SLC3A1: variants seen among roughly 807,000 people sequenced by gnomAD.
SLC3A1 encodes the protein solute carrier family 3 member 1.
In SLC3A1, 78 loss-of-function variants were observed where a neutral mutation model predicts 60.3. The ratio of observed to expected loss-of-function variants is 1.29; its 90% CI spans 1.08 to 1.56. SLC3A1 has a LOEUF of 1.56. SLC3A1 is among the 40% of genes most tolerant of loss of function. The pLI, the probability that SLC3A1 is intolerant of heterozygous loss-of-function variation, is 0.00. For missense variants in SLC3A1, 1,172 were observed against 858.9 expected (o/e 1.36, Z -4.56); for synonymous variants, 392 against 307.9 (o/e 1.27, Z -2.86).
At chr2:44,278,014 A>T (rs1372628816) in intron 1 of SLC3A1, among the ~76,000 whole-genome samples, 8 of 152,056 alleles carry the variant, frequency 5.3e-5, no homozygotes, top group Admixed American at 3.3e-4. Flanking sequence ...TTTCATCCTC[A>T]TGTTCCTTTG....
At chr2:44,281,149 C>A (rs1230280287) in intron 2 of SLC3A1, among the ~76,000 whole-genome samples, 1 of 134,644 alleles carries the variant, frequency 7.4e-6, no homozygotes, top group African/African-American at 2.9e-5. Context: ...CCTCCCCTCT[C>A]CTTTCCCTGC....
At position 44,275,639 on chromosome 2, in the gene SLC3A1, C is replaced by G. The variant is rs769250365; in HGVS notation, c.104C>G (p.Pro35Arg). 2.5e-6 allele frequency: 4 copies of G among 1,614,046 alleles called. No individual in the cohort carries two copies. Among genetic ancestry groups the G allele is most frequent in the East Asian group, 2.2e-5 (1 of 44,878 alleles). The stretch of plus-strand genomic sequence containing the variant: ...AATGAAGACATTCTGGAGCAGACCC[C>G]GGATCCAGGAAGCTCAACAGACAAC... ...VHNEDILEQTPDPGSSTDNLK... is the reference protein window; with the variant it reads ...VHNEDILEQTRDPGSSTDNLK... The change falls in exon 1 of 10, where the codon CCG becomes CGG. Residue 35 changes from proline to arginine, a missense_variant. Pro to Arg is a moderately radical substitution (Grantham distance 103). Transcript: ENST00000260649.
Position 44,275,490 on chromosome 2 carries a change from C to G in SLC3A1, c.-46C>G, listed in dbSNP as rs1427745562. On this transcript the variant is annotated 5_prime_UTR_variant, in exon 1 of 10. Coordinates refer to ENST00000260649, the MANE Select transcript of SLC3A1 (RefSeq NM_000341.4). ...AGCATTCAGCAAGCCACTCTTCCAC[C>G]TCCCTTACTGCAGGAAGGCACTCCG... 2 of 1,504,666 alleles carry G rather than the reference C, an allele frequency of 1.3e-6. No individual in the cohort carries two copies. Among genetic ancestry groups the G allele is most frequent in the Non-Finnish European group, 1.8e-6 (2 of 1,085,106 alleles). The allele number at this position is 1,504,666 out of a possible 1,614,324, so 93.2% of individuals were successfully genotyped here.
At chr2:44,294,502 CAA>C (rs58236415) in intron 4 of SLC3A1, among the ~76,000 whole-genome samples, 18 of 75,480 alleles carry the variant, frequency 2.4e-4, no homozygotes, top group Admixed American at 3.0e-4. Flanking sequence ...GACTCCATCT[CAA>C]AAAAAAAAAA....
intron 9 of SLC3A1, 53 bp from the exon 10 acceptor site, chr2:44,320,146 A>C: frequency 6.8e-7 from 1 of 1,462,620 alleles, no homozygotes; most frequent in Non-Finnish European, 9.4e-7. Flanking sequence ...AAAAATACTT[A>C]CAAACAATTC....
intron 2 of SLC3A1, 43 bp downstream of exon 2, chr2:44,280,938 G>T: frequency 3.9e-6 from 6 of 1,534,478 alleles, no homozygotes; most frequent in Non-Finnish European, 5.4e-6. Context: ...TGAGGTTTGA[G>T]AGAAGCACTT....
intron 9 of SLC3A1, chr2:44,319,581 A>G (rs1672748751): frequency 6.6e-6 from 1 of 152,606 alleles, no homozygotes; most frequent in South Asian, 2.1e-4. Context: ...ATATAGCTGT[A>G]AAATAAACCC....
At chr2:44,315,405 T>C (rs1394103898) in intron 9 of SLC3A1, among the ~76,000 whole-genome samples, 2 of 151,578 alleles carry the variant, frequency 1.3e-5, no homozygotes, top group Non-Finnish European at 2.9e-5. Context: ...TCCCAGCATT[T>C]TGGGAGGCAA....
chr2:44,314,405 C>A (rs1426750691), intron 9 of SLC3A1: 2 of 242,256 alleles, frequency 8.3e-6, no homozygotes, highest in Admixed American at 4.9e-5. Flanking sequence ...ATACATGATC[C>A]TTAAAGTGGT....
In SLC3A1 at chr2:44,275,494, C is replaced by T. The variant is rs758289288; in HGVS notation, c.-42C>T. On this transcript the variant is annotated 5_prime_UTR_variant, in exon 1 of 10. Coordinates refer to ENST00000260649, the MANE Select transcript of SLC3A1 (RefSeq NM_000341.4). ...TTCAGCAAGCCACTCTTCCACCTCC[C>T]TTACTGCAGGAAGGCACTCCGAAGA... The T allele has an allele frequency of 1.8e-5, 28 of 1,545,562 alleles. No homozygotes were observed. Among genetic ancestry groups the T allele is most frequent in the Middle Eastern group, 1.7e-4 (1 of 5,940 alleles).
At chr2:44,313,682 C>T (rs745473174) in intron 8 of SLC3A1, among the ~76,000 whole-genome samples, 153 bp from the exon 9 acceptor site, 5 of 151,996 alleles carry the variant, frequency 3.3e-5, no homozygotes, top group Non-Finnish European at 4.4e-5. Flanking sequence ...GTTTATGTAC[C>T]GAAAGTTGAG....
chr2:44,295,743 G>A (rs1671833937), intron 4 of SLC3A1, among the ~76,000 whole-genome samples: 1 of 152,168 alleles, frequency 6.6e-6, no homozygotes, highest in Admixed American at 6.5e-5. Context: ...GAAAAGGACT[G>A]GCTTTATTTT....
In SLC3A1 at chr2:44,312,642, C is replaced by A; in HGVS notation, c.1389C>A (p.Asn463Lys). The A allele has an allele frequency of 6.2e-7, 1 of 1,613,732 alleles. No homozygotes were observed. The highest frequency in any genetic ancestry group is 8.5e-7 in the Non-Finnish European group (1 of 1,179,708). The change falls in exon 8 of 10, where the codon AAC becomes AAA. Residue 463 changes from asparagine to lysine, a missense_variant. Asn to Lys is a moderately conservative substitution (Grantham distance 94, BLOSUM62 0). Coordinates refer to ENST00000260649, the MANE Select transcript of SLC3A1 (RefSeq NM_000341.4). ...LTSRLGNQYV[N>K]VMNMLLFTLP... ...CGCGTTTGGGGAATCAGTATGTCAA[C>A]GTGATGAACATGCTTCTTTTCACAC...
At chr2:44,303,684 A>C (rs1039468905) in intron 6 of SLC3A1, 1 of 258,812 alleles carries the variant, frequency 3.9e-6, no homozygotes, top group African/African-American at 2.2e-5. Flanking sequence ...GCACCCATCA[A>C]CTTGTCATTT....
chr2:44,283,569 T>C (rs1671547248), intron 3 of SLC3A1, among the ~76,000 whole-genome samples: 1 of 152,178 alleles, frequency 6.6e-6, no homozygotes, highest in Non-Finnish European at 1.5e-5. Context: ...TTCAGCTCCA[T>C]AGTCTGCTTT....
chr2:44,319,769 TAGTC>T (rs1263183539), intron 9 of SLC3A1: 2 of 166,894 alleles, frequency 1.2e-5, no homozygotes, highest in East Asian at 3.3e-4. Context: ...ACCTACACAT[TAGTC>T]TACAAAGGGG....
At chr2:44,314,037 T>C (rs1250151610) in intron 9 of SLC3A1, 86 bp downstream of exon 9, 8 of 1,594,988 alleles carry the variant, frequency 5.0e-6, no homozygotes, top group Non-Finnish European at 6.8e-6. Flanking sequence ...TGAATGTGTC[T>C]AAACCTTAAC....
intron 9 of SLC3A1, chr2:44,317,569 C>G (rs1423499803): frequency 2.0e-5 from 3 of 152,112 alleles, no homozygotes; most frequent in Middle Eastern, 6.8e-3. Context: ...ACAGAAAGTT[C>G]TATTGGCCAG....
Position 44,320,248 on chromosome 2 carries a change from G to C in SLC3A1, c.1667G>C (p.Ser556Thr). 2.5e-6 allele frequency: 4 copies of C among 1,614,080 alleles called. No individual in the cohort carries two copies. The highest frequency in any genetic ancestry group is 3.4e-6 in the Non-Finnish European group (4 of 1,179,958). ...RSALKLYQDL[S>T]LLHANELLLN... is the part of the protein sequence containing the mutation. ...GCTTTGAAGTTATATCAAGATTTAA[G>C]TCTACTTCATGCCAATGAGCTACTC... Residue 556 changes from serine to threonine, a missense_variant, in exon 10 of 10, where the codon AGT becomes ACT. Coordinates refer to ENST00000260649, the MANE Select transcript of SLC3A1 (RefSeq NM_000341.4).
Sources: allele counts gnomAD v4.1 joint callset (sites outside exome capture counted in the v4.1 genomes callset), GRCh38; gene constraint gnomAD v4.1.1; transcripts MANE v1.5; gene names NCBI Gene and HGNC (gene_info 2026-07-23, HGNC 2026-07-21).